The following TBC1D5 variants were observed in gnomAD, a reference collection of about 807,000 sequenced individuals.
TBC1D5 encodes TBC1 domain family, member 5.
In TBC1D5, 75 loss-of-function variants were observed where a neutral mutation model predicts 100.3. The ratio of observed to expected loss-of-function variants is 0.75; its 90% CI spans 0.62 to 0.91. The LOEUF is 0.91. Among genes scored for constraint, TBC1D5 ranks in the 40% least tolerant of loss-of-function variants. The pLI is 0.00. For synonymous variants in TBC1D5, 323 were observed against 325.6 expected, an observed-to-expected ratio of 0.99 and a Z score of 0.09; for missense variants, 910 against 942.4, an observed-to-expected ratio of 0.97 and a Z score of 0.45.
chr3:17,257,346 T>C (rs1315236504), intron 16 of TBC1D5, among the ~76,000 whole-genome samples: 2 of 152,194 alleles, frequency 1.3e-5, no homozygotes, highest in Non-Finnish European at 2.9e-5. Flanking sequence ...GGGATTTTGG[T>C]CTGGGTTTTT....
rs574637957 is a variant in TBC1D5, at chr3:17,212,683, G to C, written c.1752+1524C>G. Among the ~76,000 whole-genome samples the C allele has an allele frequency of 6.6e-5, 10 of 151,868 alleles. No individual in the cohort carries two copies. The East Asian group carries it at 1.5e-3, about 24-fold the overall frequency. On this transcript the variant is annotated intron_variant, in intron 18 of 21. Coordinates refer to ENST00000253692, the Ensembl canonical transcript of TBC1D5. ...ATACTGATGATCCTGACCCTGGTTAGGCCTAGCCTAATGTGCGTGTCCGTT... is the reference window on the plus strand; with the variant it reads ...ATACTGATGATCCTGACCCTGGTTACGCCTAGCCTAATGTGCGTGTCCGTT...
intron 18 of TBC1D5, among the ~76,000 whole-genome samples, chr3:17,210,161 T>G (rs2125935804): frequency 6.6e-6 from 1 of 152,250 alleles, no homozygotes; most frequent in Admixed American, 6.5e-5. Context: ...AGATGTTGAA[T>G]CTAGGTTAGA....
At chr3:17,236,684 C>T (rs1377536047) in intron 17 of TBC1D5, among the ~76,000 whole-genome samples, 1 of 152,050 alleles carries the variant, frequency 6.6e-6, no homozygotes, top group Non-Finnish European at 1.5e-5. Flanking sequence ...CGGGGTTTCA[C>T]CATGTTGGCC....
At chr3:17,391,916 T>C (rs972632057) in intron 8 of TBC1D5, among the ~76,000 whole-genome samples, 2 of 152,128 alleles carry the variant, frequency 1.3e-5, no homozygotes, top group East Asian at 1.9e-4. Flanking sequence ...ATGTTACTTA[T>C]AGTAGAATGA....
At chr3:17,706,223 G>A (rs1471662835) in intron 1 of TBC1D5, 60 of 1,549,432 alleles carry the variant, frequency 3.9e-5, no homozygotes, top group Non-Finnish European at 5.0e-5. Flanking sequence ...CCAGGCTGTG[G>A]AGGCGGCGGC....
chr3:17,286,635 A>C (rs2081219861), intron 15 of TBC1D5, among the ~76,000 whole-genome samples: 1 of 152,260 alleles, frequency 6.6e-6, no homozygotes, highest in Admixed American at 6.5e-5. Context: ...TTTGATATCC[A>C]GTCTTCATAA....
chr3:17,624,948 T>A (rs1182453489), intron 1 of TBC1D5, among the ~76,000 whole-genome samples: 3 of 152,158 alleles, frequency 2.0e-5, no homozygotes, highest in Non-Finnish European at 4.4e-5. Context: ...AATATACTCT[T>A]AATACCAGTA....
At chr3:17,690,564 A>C (rs1003498997) in intron 1 of TBC1D5, among the ~76,000 whole-genome samples, 1 of 152,346 alleles carries the variant, frequency 6.6e-6, no homozygotes, top group South Asian at 2.1e-4. Context: ...CTGGGGCCAC[A>C]GACAAGCAAG....
chr3:17,480,248 A>G (rs1049982810), intron 3 of TBC1D5, among the ~76,000 whole-genome samples: 4 of 108,346 alleles, frequency 3.7e-5, no homozygotes, highest in Non-Finnish European at 7.5e-5. Flanking sequence ...AGCACCCCTC[A>G]GCTCAAAAAC....
Position 17,682,915 on chromosome 3 carries a change from C to T in TBC1D5, c.-101+56428G>A, listed in dbSNP as rs546760200. Reference sequence around the variant, plus strand: ...ATTCATACCAATATCACCCAAACTCCGTTGCCGTCTAATTCATCTGTTCTC... The same window carrying T: ...ATTCATACCAATATCACCCAAACTCTGTTGCCGTCTAATTCATCTGTTCTC... On this transcript the variant is annotated intron_variant, in intron 1 of 21. Transcript: ENST00000253692. 1.5e-4 allele frequency among the ~76,000 whole-genome samples: 23 copies of T among 151,534 alleles called. 3 individuals carry two copies. The highest frequency in any genetic ancestry group is 4.9e-4 in the African/African-American group (20 of 40,842).
chr3:17,579,250 T>C (rs1481179028), intron 2 of TBC1D5, among the ~76,000 whole-genome samples: 1 of 152,084 alleles, frequency 6.6e-6, no homozygotes, highest in Non-Finnish European at 1.5e-5. Flanking sequence ...GGGTGTAACC[T>C]GAAGTAAAAA....
intron 2 of TBC1D5, among the ~76,000 whole-genome samples, chr3:17,515,880 T>C (rs1051101920): frequency 6.6e-6 from 1 of 152,112 alleles, no homozygotes; most frequent in African/African-American, 2.4e-5. Flanking sequence ...AATTATAATT[T>C]ATGAAAAAAT....
upstream of TBC1D5, among the ~76,000 whole-genome samples, chr3:17,742,303 CGTGAGAA>C (rs2077534798): frequency 2.0e-5 from 3 of 152,166 alleles, no homozygotes; most frequent in Admixed American, 2.0e-4. Flanking sequence ...CAGGCCCTCC[CGTGAGAA>C]GGCGGCGGCG....
chr3:17,342,252 GA>G (rs2089094878), intron 13 of TBC1D5, among the ~76,000 whole-genome samples: 1 of 152,122 alleles, frequency 6.6e-6, no homozygotes, highest in African/African-American at 2.4e-5. Flanking sequence ...TACTTGTCAG[GA>G]ATGCTCTGCC....
At chr3:17,735,702 G>A (rs1000868052) in intron 1 of TBC1D5, among the ~76,000 whole-genome samples, 31 of 152,334 alleles carry the variant, frequency 2.0e-4, no homozygotes, top group East Asian at 1.2e-3. Flanking sequence ...GAACAATGGC[G>A]AGTCTTTAGC....
intron 2 of TBC1D5, among the ~76,000 whole-genome samples, chr3:17,520,190 G>C (rs770406285): frequency 1.3e-5 from 2 of 152,164 alleles, no homozygotes; most frequent in Non-Finnish European, 2.9e-5. Context: ...CAGGCTTATA[G>C]TGCATATAAA....
At chr3:17,413,975 C>T (rs1246482498) in intron 4 of TBC1D5, among the ~76,000 whole-genome samples, 2 of 152,132 alleles carry the variant, frequency 1.3e-5, no homozygotes, top group Non-Finnish European at 2.9e-5. Context: ...AAGGGATTCT[C>T]ACCTTGGGGA....
chr3:17,252,264 T>C (rs974538690), intron 16 of TBC1D5, among the ~76,000 whole-genome samples: 1 of 152,166 alleles, frequency 6.6e-6, no homozygotes, highest in Admixed American at 6.5e-5. Context: ...GGTATTTCAT[T>C]TGATAAAATT....
intron 8 of TBC1D5, among the ~76,000 whole-genome samples, chr3:17,384,472 C>T (rs1460053110): frequency 1.3e-5 from 2 of 152,030 alleles, no homozygotes; most frequent in Non-Finnish European, 2.9e-5. Flanking sequence ...AGCCTTTCAT[C>T]TGATTACAAT....
Sources: allele counts gnomAD v4.1 joint callset (sites outside exome capture counted in the v4.1 genomes callset), GRCh38; gene constraint gnomAD v4.1.1; transcripts MANE v1.5; gene names NCBI Gene and HGNC (gene_info 2026-07-23, HGNC 2026-07-21).